Variants in HUNK observed in about 807,000 individuals in gnomAD.
The protein encoded by HUNK is hormonally up-regulated neu tumor-associated kinase.
In HUNK, 21 loss-of-function variants were observed where a neutral mutation model predicts 61.0. That is an observed-to-expected ratio of 0.34 (90% CI 0.24 to 0.50). HUNK has a LOEUF of 0.50. Ranked by LOEUF, HUNK falls within the 20% of genes least tolerant of loss-of-function variation. The pLI, the probability that HUNK is intolerant of heterozygous loss-of-function variation, is 0.98. For missense variants in HUNK, 772 were observed against 945.7 expected (o/e 0.82, Z 2.41); for synonymous variants, 371 against 386.1 (o/e 0.96, Z 0.46).
At chr21:31,976,293 A>C (rs1006751272) in intron 7 of HUNK, among the ~76,000 whole-genome samples, 37 of 152,086 alleles carry the variant, frequency 2.4e-4, no homozygotes, top group Non-Finnish European at 1.2e-4. Flanking sequence ...GACTTTCAAC[A>C]TATAGTATAC....
chr21:31,922,611 G>A (rs1256168117), intron 1 of HUNK, among the ~76,000 whole-genome samples: 1 of 152,200 alleles, frequency 6.6e-6, no homozygotes, highest in Non-Finnish European at 1.5e-5. Flanking sequence ...ACAGGCACGA[G>A]CCACCACGCC....
intron 4 of HUNK, among the ~76,000 whole-genome samples, chr21:31,952,987 C>T (rs1301508274): frequency 6.6e-6 from 1 of 152,094 alleles, no homozygotes; most frequent in East Asian, 1.9e-4. Context: ...TTTCAAAAGA[C>T]CCATCAGGAA....
chr21:31,943,183 C>A (rs1379785386), intron 3 of HUNK, among the ~76,000 whole-genome samples: 2 of 151,976 alleles, frequency 1.3e-5, no homozygotes, highest in African/African-American at 4.8e-5. Flanking sequence ...TCTACTTAAG[C>A]CATGTTTCAA....
intron 8 of HUNK, among the ~76,000 whole-genome samples, chr21:31,984,755 C>G: frequency 6.6e-6 from 1 of 152,206 alleles, no homozygotes; most frequent in East Asian, 1.9e-4. Flanking sequence ...CTGGGAACCA[C>G]CTTCCCTTTT....
chr21:31,941,464 G>A (rs970811882), intron 3 of HUNK, among the ~76,000 whole-genome samples: 4 of 151,858 alleles, frequency 2.6e-5, no homozygotes, highest in Non-Finnish European at 5.9e-5. Flanking sequence ...CCAGCACCAC[G>A]CCTGGCTAAT....
At chr21:31,985,068 C>T (rs2053123624) in intron 8 of HUNK, among the ~76,000 whole-genome samples, 2 of 152,236 alleles carry the variant, frequency 1.3e-5, no homozygotes, top group Non-Finnish European at 2.9e-5. Context: ...ACCATGAGAA[C>T]AGTATGGGGG....
intron 2 of HUNK, among the ~76,000 whole-genome samples, chr21:31,932,381 G>A (rs1030828575): frequency 2.6e-5 from 4 of 152,122 alleles, no homozygotes; most frequent in African/African-American, 9.7e-5. Context: ...AGTTTATGGC[G>A]GCCAGTCTCA....
intron 1 of HUNK, among the ~76,000 whole-genome samples, chr21:31,915,544 G>A (rs1347180001): frequency 6.6e-6 from 1 of 152,168 alleles, no homozygotes; most frequent in Non-Finnish European, 1.5e-5. Context: ...TTAAAGAGGA[G>A]TCTCTTTGAT....
At chr21:31,968,832 G>A (rs1238453618) in intron 6 of HUNK, among the ~76,000 whole-genome samples, 1 of 122,684 alleles carries the variant, frequency 8.2e-6, no homozygotes, top group African/African-American at 3.2e-5. Context: ...TGTATGTGTT[G>A]TGTGTAAATT....
At chr21:31,983,885 G>A (rs1303148877) in intron 8 of HUNK, among the ~76,000 whole-genome samples, 10 of 152,132 alleles carry the variant, frequency 6.6e-5, no homozygotes, top group Admixed American at 2.0e-4. Context: ...TTGAATCTTG[G>A]GAGGTGAGAC....
At chr21:31,915,054 ATT>A (rs5843533) in intron 1 of HUNK, among the ~76,000 whole-genome samples, 61,540 of 146,578 alleles carry the variant, frequency 0.42, 16,082 homozygotes, top group African/African-American at 0.71. Context: ...TAGATTTGGG[ATT>A]TTTTTTTTTT....
intron 6 of HUNK, among the ~76,000 whole-genome samples, chr21:31,972,561 C>T (rs150052921): frequency 1.3e-5 from 2 of 152,304 alleles, no homozygotes; most frequent in East Asian, 3.9e-4. Flanking sequence ...GACTTTTCTT[C>T]CAGAACACCC....
chr21:31,934,759 A>G (rs978755860), intron 2 of HUNK, among the ~76,000 whole-genome samples: 1 of 151,960 alleles, frequency 6.6e-6, no homozygotes, highest in South Asian at 2.1e-4. Flanking sequence ...AACATGCAAT[A>G]TTTGATTTTT....
At chr21:31,940,960 T>C (rs1385159308) in intron 3 of HUNK, among the ~76,000 whole-genome samples, 2 of 152,226 alleles carry the variant, frequency 1.3e-5, no homozygotes, top group African/African-American at 2.4e-5. Flanking sequence ...AGACTTTATA[T>C]GAGGGGAAAA....
intron 1 of HUNK, among the ~76,000 whole-genome samples, chr21:31,913,426 G>A (rs1361940593): frequency 6.6e-6 from 1 of 151,762 alleles, no homozygotes; most frequent in Non-Finnish European, 1.5e-5. Flanking sequence ...GGAAGGGGAA[G>A]GGGAGGGAAA....
At chr21:31,896,489 G>A (rs1468886268) in intron 1 of HUNK, among the ~76,000 whole-genome samples, 6 of 152,130 alleles carry the variant, frequency 3.9e-5, no homozygotes. Context: ...TCTCCTCCTT[G>A]AGTAAGGAAA....
At chr21:31,973,595 G>A (rs2053028448) in intron 6 of HUNK, among the ~76,000 whole-genome samples, 1 of 151,932 alleles carries the variant, frequency 6.6e-6, no homozygotes, top group Non-Finnish European at 1.5e-5. Context: ...TGATGATGAT[G>A]ATGATGATGA....
At chr21:31,917,221 C>T (rs534009290) in intron 1 of HUNK, among the ~76,000 whole-genome samples, 109 of 151,962 alleles carry the variant, frequency 7.2e-4, no homozygotes, top group Non-Finnish European at 1.3e-3. Flanking sequence ...GAGACAGGGT[C>T]TCACTCTGTC....
chr21:31,957,332 A>G (rs2052896285), intron 4 of HUNK, among the ~76,000 whole-genome samples: 1 of 152,220 alleles, frequency 6.6e-6, no homozygotes, highest in African/African-American at 2.4e-5. Context: ...ATGTTTATGC[A>G]TCTGTCCCCC....
Sources: allele counts gnomAD v4.1 joint callset (sites outside exome capture counted in the v4.1 genomes callset), GRCh38; gene constraint gnomAD v4.1.1; transcripts MANE v1.5; gene names NCBI Gene and HGNC (gene_info 2026-07-23, HGNC 2026-07-21).